Variants in ZNF277 observed in about 807,000 individuals in gnomAD.
ZNF277 encodes the protein zinc finger protein 277.
Under a neutral mutation model 60.7 loss-of-function variants are expected in ZNF277, and 55 were observed. The observed-to-expected ratio is 0.91, with a 90% confidence interval of 0.73 to 1.13. The LOEUF (loss-of-function observed/expected upper bound fraction) is 1.13, where lower values mean the gene tolerates loss of function less well. Ranked by LOEUF, ZNF277 falls within the 50% of genes most tolerant of loss-of-function variation. The pLI, the probability that ZNF277 is intolerant of heterozygous loss-of-function variation, is 0.00. For synonymous variants in ZNF277, 178 were observed against 179.3 expected, an observed-to-expected ratio of 0.99 and a Z score of 0.06; for missense variants, 510 against 523.0, an observed-to-expected ratio of 0.98 and a Z score of 0.24.
rs2116929244 is a variant in ZNF277, at chr7:112,206,757, A to T, written c.41A>T (p.Gln14Leu). The T allele has an allele frequency of 6.2e-7, 1 of 1,613,112 alleles. No homozygotes were observed. Reference sequence around the variant, plus strand: ...ACCCAGGGGGCTGTCGCCCGAATGCAGGAAGACCGTGATGGGAGCTGCAGC... The same window carrying T: ...ACCCAGGGGGCTGTCGCCCGAATGCTGGAAGACCGTGATGGGAGCTGCAGC... ...SKTQGAVARM[Q>L]EDRDGSCSTV... is the part of the protein sequence containing the mutation. The change falls in exon 1 of 12, where the codon CAG becomes CTG. Residue 14 changes from glutamine to leucine, a missense_variant. Coordinates refer to ENST00000361822, the MANE Select transcript of ZNF277 (RefSeq NM_021994.3).
At chr7:112,292,094 C>T (rs962506311) in intron 2 of ZNF277, among the ~76,000 whole-genome samples, 3 of 152,076 alleles carry the variant, frequency 2.0e-5, no homozygotes, top group African/African-American at 7.2e-5. Flanking sequence ...CAGAATCTCC[C>T]CATGATTCTA....
chr7:112,300,401 G>A (rs1045989670), intron 4 of ZNF277, among the ~76,000 whole-genome samples: 2 of 152,050 alleles, frequency 1.3e-5, no homozygotes, highest in African/African-American at 4.8e-5. Context: ...AAATTCTCCC[G>A]TGATCTTGGT....
At chr7:112,297,766 A>T (rs535996957) in intron 4 of ZNF277, among the ~76,000 whole-genome samples, 86 of 152,236 alleles carry the variant, frequency 5.6e-4, no homozygotes, top group African/African-American at 1.9e-3. Context: ...ATTTACATGA[A>T]TTTTCTCACT....
intron 4 of ZNF277, among the ~76,000 whole-genome samples, chr7:112,305,268 A>G (rs988085916): frequency 5.9e-5 from 9 of 151,880 alleles, no homozygotes; most frequent in African/African-American, 1.2e-4. Context: ...TTTGAAGGGG[A>G]AGGGAAGAGT....
rs543828702 is a variant in ZNF277 at position 112,235,038 on chromosome 7, T to C, written c.91+28231T>C. ...TATTAACAGCCATCTATTTTTTGCC[T>C]GCAGAAATTTATTTTATTCTTTTTG... On this transcript the variant is annotated intron_variant, in intron 1 of 11. Transcript: ENST00000361822. Among the ~76,000 whole-genome samples, 8 of 152,182 alleles carry C rather than the reference T, an allele frequency of 5.3e-5. No individual in the cohort carries two copies. In the East Asian group the frequency reaches 1.5e-3, roughly 29 times the overall value.
chr7:112,284,082 G>T (rs535728871), intron 1 of ZNF277, among the ~76,000 whole-genome samples: 7 of 152,328 alleles, frequency 4.6e-5, no homozygotes, highest in African/African-American at 1.7e-4. Flanking sequence ...TGGGAACTTA[G>T]TTAAGTTTTC....
intron 1 of ZNF277, among the ~76,000 whole-genome samples, 176 bp from the exon 2 acceptor site, chr7:112,286,697 C>A (rs1563216038): frequency 6.6e-6 from 1 of 152,148 alleles, no homozygotes; most frequent in Non-Finnish European, 1.5e-5. Flanking sequence ...GCTACAAACA[C>A]TGTTTAAAAT....
At chr7:112,300,761 G>C (rs1396123332) in intron 4 of ZNF277, among the ~76,000 whole-genome samples, 1 of 151,960 alleles carries the variant, frequency 6.6e-6, no homozygotes, top group Non-Finnish European at 1.5e-5. Context: ...CCCAAAACTT[G>C]CTATTTGCCT....
At position 112,319,279 on chromosome 7, in the gene ZNF277, C is replaced by T. The variant is rs144616300; in HGVS notation, c.557+1006C>T. On this transcript the variant is annotated intron_variant, in intron 5 of 11. Transcript: ENST00000361822. ...ATGATGAACATTCCCCATCTGGAAG[C>T]TATGTAGGGTCCTACCATGAGTCTC... Among the ~76,000 whole-genome samples the T allele has an allele frequency of 2.2e-3, 342 of 152,164 alleles. 12 individuals carry two copies. In the East Asian group the frequency reaches 0.056, roughly 25 times the overall value.
At chr7:112,240,216 A>C (rs1190926282) in intron 1 of ZNF277, among the ~76,000 whole-genome samples, 3 of 152,204 alleles carry the variant, frequency 2.0e-5, no homozygotes, top group Non-Finnish European at 4.4e-5. Context: ...CAAAACAATC[A>C]GAAAACAAAT....
intron 1 of ZNF277, among the ~76,000 whole-genome samples, chr7:112,283,373 A>C (rs1791990249): frequency 6.6e-6 from 1 of 152,190 alleles, no homozygotes; most frequent in Non-Finnish European, 1.5e-5. Flanking sequence ...AAATACAAAA[A>C]TTAGCAGGGT....
At chr7:112,293,853 C>T (rs1394839886) in intron 2 of ZNF277, among the ~76,000 whole-genome samples, 1 of 152,146 alleles carries the variant, frequency 6.6e-6, no homozygotes, top group African/African-American at 2.4e-5. Context: ...GGAGTGGCAA[C>T]CAGGACTGAC....
At chr7:112,339,454 G>C (rs1208604895) in intron 9 of ZNF277, among the ~76,000 whole-genome samples, 1 of 152,144 alleles carries the variant, frequency 6.6e-6, no homozygotes, top group Non-Finnish European at 1.5e-5. Context: ...GAGTAGCTGG[G>C]ATTACAGGCA....
intron 4 of ZNF277, among the ~76,000 whole-genome samples, chr7:112,302,794 C>T (rs1792507399): frequency 2.0e-5 from 3 of 151,956 alleles, no homozygotes; most frequent in African/African-American, 7.2e-5. Context: ...AGGTCAAGGA[C>T]AGTAAGAAAC....
intron 1 of ZNF277, among the ~76,000 whole-genome samples, chr7:112,254,939 C>G (rs1791275365): frequency 6.6e-6 from 1 of 152,156 alleles, no homozygotes; most frequent in African/African-American, 2.4e-5. Context: ...CGCCACTGTA[C>G]TCCAGCCTGG....
chr7:112,303,240 T>G (rs1192255416), intron 4 of ZNF277, among the ~76,000 whole-genome samples: 1 of 152,114 alleles, frequency 6.6e-6, no homozygotes, highest in Admixed American at 6.6e-5. Flanking sequence ...TGTGAGCCAC[T>G]GTGTCCAGCC....
chr7:112,305,282 T>G (rs1364442236), intron 4 of ZNF277, among the ~76,000 whole-genome samples: 2 of 152,012 alleles, frequency 1.3e-5, no homozygotes, highest in Non-Finnish European at 1.5e-5. Flanking sequence ...GAAGAGTTTT[T>G]GGGGAAGATG....
At chr7:112,231,169 G>C (rs1235199090) in intron 1 of ZNF277, among the ~76,000 whole-genome samples, 1 of 150,318 alleles carries the variant, frequency 6.7e-6, no homozygotes, top group Non-Finnish European at 1.5e-5. Context: ...AGCTGAGATC[G>C]CGCCATTGCA....
intron 2 of ZNF277, 28 bp from the exon 3 acceptor site, chr7:112,295,841 A>G (rs1266860081): frequency 5.2e-6 from 8 of 1,543,244 alleles, no homozygotes; most frequent in Admixed American, 3.4e-5. Context: ...GAATCTTCTC[A>G]TCGTTCCTTA....
Sources: allele counts gnomAD v4.1 joint callset (sites outside exome capture counted in the v4.1 genomes callset), GRCh38; gene constraint gnomAD v4.1.1; transcripts MANE v1.5; gene names NCBI Gene and HGNC (gene_info 2026-07-23, HGNC 2026-07-21).